Variants in SLC24A2 observed in about 807,000 individuals in gnomAD.
SLC24A2 encodes the protein solute carrier family 24 member 2, also known as sodium/potassium/calcium exchanger 2.
Under a neutral mutation model 62.0 loss-of-function variants are expected in SLC24A2, and 36 were observed. The observed-to-expected ratio is 0.58, with a 90% CI of 0.44 to 0.77. The LOEUF (loss-of-function observed/expected upper bound fraction) is 0.77. SLC24A2 is among the 30% of genes least tolerant of loss of function. SLC24A2 has a pLI of 0.00. For synonymous variants in SLC24A2, 358 were observed against 294.0 expected, an observed-to-expected ratio of 1.22 and a Z score of -2.23; for missense variants, 846 against 817.9, an observed-to-expected ratio of 1.03 and a Z score of -0.42.
At chr9:19,655,356 G>A (rs948567211) in intron 2 of SLC24A2, among the ~76,000 whole-genome samples, 3 of 152,164 alleles carry the variant, frequency 2.0e-5, no homozygotes, top group Non-Finnish European at 2.9e-5. Flanking sequence ...TGATCCATTC[G>A]CATTCTAAAG....
the SLC24A2 span, among the ~76,000 whole-genome samples, chr9:19,840,001 T>A: frequency 6.6e-6 from 1 of 152,234 alleles, no homozygotes; most frequent in African/African-American, 2.4e-5. Flanking sequence ...TGAACAATGA[T>A]GAAATCACCT....
At chr9:20,238,632 C>A in the SLC24A2 span, among the ~76,000 whole-genome samples, 3 of 152,188 alleles carry the variant, frequency 2.0e-5, no homozygotes, top group African/African-American at 7.2e-5. Context: ...TATTTTCTCC[C>A]TCTCTGGGCT....
At chr9:20,112,167 G>T in the SLC24A2 span, among the ~76,000 whole-genome samples, 7 of 152,100 alleles carry the variant, frequency 4.6e-5, no homozygotes, top group African/African-American at 1.4e-4. Flanking sequence ...CTGCAAACTG[G>T]AAGTTTGGGA....
the SLC24A2 span, among the ~76,000 whole-genome samples, chr9:20,215,003 T>A: frequency 6.6e-6 from 1 of 152,242 alleles, no homozygotes; most frequent in Non-Finnish European, 1.5e-5. Flanking sequence ...TGTACATTCA[T>A]TCAGGCTGCT....
At chr9:20,204,103 G>A in the SLC24A2 span, among the ~76,000 whole-genome samples, 3 of 152,280 alleles carry the variant, frequency 2.0e-5, no homozygotes, top group African/African-American at 7.2e-5. Flanking sequence ...CAGATGTAAT[G>A]AACTCCTAAA....
At chr9:20,294,476 T>C in the SLC24A2 span, among the ~76,000 whole-genome samples, 8 of 152,220 alleles carry the variant, frequency 5.3e-5, no homozygotes, top group Admixed American at 5.2e-4. Flanking sequence ...TTAGGAAACG[T>C]GGCATTCTTT....
chr9:19,554,578 A>G (rs1166447030), intron 7 of SLC24A2, among the ~76,000 whole-genome samples: 1 of 152,198 alleles, frequency 6.6e-6, no homozygotes, highest in African/African-American at 2.4e-5. Flanking sequence ...GGCTTGGAAT[A>G]AAGACTCTGG....
the SLC24A2 span, among the ~76,000 whole-genome samples, chr9:20,274,953 C>T: frequency 1.5e-3 from 230 of 152,212 alleles, no homozygotes; most frequent in Middle Eastern, 3.4e-3. Flanking sequence ...TTTTGTGATG[C>T]ATGACTTTCT....
chr9:20,237,841 C>G, the SLC24A2 span, among the ~76,000 whole-genome samples: 1 of 152,138 alleles, frequency 6.6e-6, no homozygotes, highest in Non-Finnish European at 1.5e-5. Flanking sequence ...TCATTTCCCT[C>G]TAGATAGAAG....
chr9:19,593,237 C>T (rs9792664), intron 5 of SLC24A2, among the ~76,000 whole-genome samples: 109,860 of 152,208 alleles, frequency 0.72, 40,183 homozygotes, highest in South Asian at 0.78. Flanking sequence ...GCCTGTGTCT[C>T]CCACAAGGTC....
chr9:20,032,959 A>T, the SLC24A2 span, among the ~76,000 whole-genome samples: 1 of 152,222 alleles, frequency 6.6e-6, no homozygotes, highest in Non-Finnish European at 1.5e-5. Flanking sequence ...TACAGCTGGT[A>T]TGCTTTGCCT....
intron 4 of SLC24A2, among the ~76,000 whole-genome samples, chr9:19,606,347 C>T (rs1370671492): frequency 6.6e-6 from 1 of 152,200 alleles, no homozygotes; most frequent in Non-Finnish European, 1.5e-5. Context: ...GTCTCAGGGC[C>T]TTAGAGTAGA....
the SLC24A2 span, among the ~76,000 whole-genome samples, chr9:20,028,234 C>T: frequency 6.6e-6 from 1 of 152,142 alleles, no homozygotes; most frequent in Non-Finnish European, 1.5e-5. Flanking sequence ...TGGGGTACAG[C>T]CCTCATTTCC....
the SLC24A2 span, among the ~76,000 whole-genome samples, chr9:19,902,275 G>A: frequency 5.9e-5 from 9 of 152,154 alleles, no homozygotes; most frequent in African/African-American, 9.7e-5. Context: ...GTATGATGGT[G>A]TCCATTCAGT....
chr9:20,194,617 T>G, the SLC24A2 span, among the ~76,000 whole-genome samples: 2 of 152,172 alleles, frequency 1.3e-5, no homozygotes, highest in Non-Finnish European at 2.9e-5. Flanking sequence ...TCCTAAGAAC[T>G]CCTTTGTATA....
the SLC24A2 span, among the ~76,000 whole-genome samples, chr9:20,110,783 T>C: frequency 2.0e-5 from 3 of 152,222 alleles, no homozygotes; most frequent in South Asian, 2.1e-4. Context: ...TATAGTTTCA[T>C]AGTGATCTTT....
At chr9:19,588,481 C>A (rs992563007) in intron 5 of SLC24A2, among the ~76,000 whole-genome samples, 1 of 152,074 alleles carries the variant, frequency 6.6e-6, no homozygotes, top group South Asian at 2.1e-4. Flanking sequence ...TGTAGGAAAT[C>A]GGCCTTGTCA....
intron 2 of SLC24A2, among the ~76,000 whole-genome samples, chr9:19,668,456 T>C (rs528864626): frequency 2.4e-4 from 37 of 152,312 alleles, no homozygotes; most frequent in South Asian, 8.3e-4. Flanking sequence ...AACATTTCCG[T>C]ACCTGCATGC....
chr9:20,219,286 C>G, the SLC24A2 span, among the ~76,000 whole-genome samples: 2 of 152,126 alleles, frequency 1.3e-5, no homozygotes, highest in Non-Finnish European at 2.9e-5. Context: ...CAGTATAACA[C>G]AGGCTTCCAT....
Sources: allele counts gnomAD v4.1 joint callset (sites outside exome capture counted in the v4.1 genomes callset), GRCh38; gene constraint gnomAD v4.1.1; transcripts MANE v1.5; gene names NCBI Gene and HGNC (gene_info 2026-07-23, HGNC 2026-07-21).